LGR4: variants seen among roughly 807,000 people sequenced by gnomAD.
The protein encoded by LGR4 is leucine rich repeat containing G protein-coupled receptor 4, also known as leucine-rich repeat-containing G protein-coupled receptor 4.
In LGR4, 44 loss-of-function variants were observed where a neutral mutation model predicts 84.8. That is an observed-to-expected ratio of 0.52 (90% CI 0.41 to 0.67). LGR4 has a LOEUF of 0.67. Among genes scored for constraint, LGR4 ranks in the 30% least tolerant of loss-of-function variants. LGR4 has a pLI of 0.00. For missense variants in LGR4, 1,032 were observed against 1,131.4 expected (o/e 0.91, Z 1.26); for synonymous variants, 429 against 434.3 (o/e 0.99, Z 0.15).
intron 1 of LGR4, among the ~76,000 whole-genome samples, chr11:27,463,834 G>T (rs1030682573): frequency 3.3e-5 from 5 of 152,084 alleles, no homozygotes; most frequent in Non-Finnish European, 5.9e-5. Context: ...TATTTGAAAT[G>T]TATTAAATTC....
At chr11:27,381,906 C>T (rs1321377162) in intron 7 of LGR4, among the ~76,000 whole-genome samples, 1 of 152,186 alleles carries the variant, frequency 6.6e-6, no homozygotes, top group Non-Finnish European at 1.5e-5. Flanking sequence ...TCTGTCTTAA[C>T]ATGATCAGTT....
At chr11:27,381,105 C>T (rs1590348411) in intron 7 of LGR4, 139 bp from the exon 8 acceptor site, 2 of 548,598 alleles carry the variant, frequency 3.6e-6, no homozygotes, top group East Asian at 5.7e-5. Context: ...TAGGAAATCT[C>T]AAATTTTAAT....
intron 1 of LGR4, among the ~76,000 whole-genome samples, chr11:27,437,813 G>A (rs1455559620): frequency 6.6e-6 from 1 of 151,908 alleles, no homozygotes; most frequent in East Asian, 1.9e-4. Context: ...ATCAGCCTGG[G>A]TAACATAGTG....
At chr11:27,379,946 T>A (rs1361222632) in intron 10 of LGR4, among the ~76,000 whole-genome samples, 1 of 152,208 alleles carries the variant, frequency 6.6e-6, no homozygotes, top group Non-Finnish European at 1.5e-5. Flanking sequence ...TATTCAAACC[T>A]TCTACCTCCT....
chr11:27,472,228 C>A lies in LGR4; in HGVS notation c.75G>T (p.Ala25=), dbSNP rs1380826157. The A allele has an allele frequency of 1.5e-6, 2 of 1,344,706 alleles. No homozygotes were observed. The highest frequency in any genetic ancestry group is 3.3e-5 in the East Asian group (1 of 30,636). The allele number at this position is 1,344,706 out of a possible 1,614,324, so 83.3% of individuals were successfully genotyped here. ...TGCAGGGCGCCGCGCAGAGAGGCGG[C>A]GCCGCGCCGCTGGGCCCGGCCGAGC... ...LLGSAGPSGA[A]PPLCAAPCSC... Residue 25 remains alanine, a synonymous_variant, in exon 1 of 18, where the codon GCG becomes GCT. Transcript: ENST00000379214.
At chr11:27,409,000 A>G (rs1196594931) in intron 2 of LGR4, among the ~76,000 whole-genome samples, 1 of 152,142 alleles carries the variant, frequency 6.6e-6, no homozygotes, top group Non-Finnish European at 1.5e-5. Flanking sequence ...GGAGAGCAGG[A>G]ATCACTAGGT....
rs539525209 is a variant in LGR4 at position 27,422,349 on chromosome 11, A to T, written c.186-9489T>A. On this transcript the variant is annotated intron_variant, in intron 1 of 17. Transcript: ENST00000379214. The stretch of plus-strand genomic sequence containing the variant: ...TACTTCACCGTCCTTGCCTTCAAAC[A>T]TGCACGCCCACGAAAACTTCTGTTT... Among the ~76,000 whole-genome samples the T allele has an allele frequency of 1.2e-4, 18 of 152,346 alleles. No homozygotes were observed. In the East Asian group the frequency reaches 3.5e-3, roughly 29 times the overall value.
At chr11:27,452,623 GTTTTTTTTTT>G (rs557477166) in intron 1 of LGR4, among the ~76,000 whole-genome samples, 2 of 119,338 alleles carry the variant, frequency 1.7e-5, no homozygotes, top group Non-Finnish European at 3.4e-5. Context: ...AACTTTTTGA[GTTTTTTTTTT>G]TTTTTTTTTT....
At chr11:27,451,832 A>C (rs551727880) in intron 1 of LGR4, among the ~76,000 whole-genome samples, 1 of 152,360 alleles carries the variant, frequency 6.6e-6, no homozygotes, top group African/African-American at 2.4e-5. Flanking sequence ...AGCACTCAGT[A>C]ATAAAATACT....
At position 27,368,988 on chromosome 11, in the gene LGR4, A is replaced by G; in HGVS notation, c.1735T>C (p.Leu579=). The change falls in exon 18 of 18, where the codon TTG becomes CTG. Residue 579 remains leucine, a synonymous_variant. Transcript: ENST00000379214. ...ATGAATAAGTTAGACACAGAAATCAAGCCTATAAACAATTTGGACGAAGGC... is the reference window on the plus strand; with the variant it reads ...ATGAATAAGTTAGACACAGAAATCAGGCCTATAAACAATTTGGACGAAGGC... ...SLPSSKLFIG[L]ISVSNLFMGI... The G allele has an allele frequency of 6.2e-7, 1 of 1,614,150 alleles. No individual in the cohort carries two copies. Among genetic ancestry groups the G allele is most frequent in the Non-Finnish European group, 8.5e-7 (1 of 1,180,006 alleles).
At chr11:27,462,356 A>G (rs1864698973) in intron 1 of LGR4, among the ~76,000 whole-genome samples, 1 of 152,214 alleles carries the variant, frequency 6.6e-6, no homozygotes, top group African/African-American at 2.4e-5. Context: ...CAAAAATGTA[A>G]GATTTCCCTT....
At chr11:27,377,253 G>A in intron 11 of LGR4, 30 bp from the exon 12 acceptor site, 3 of 1,134,202 alleles carry the variant, frequency 2.6e-6, no homozygotes, top group Non-Finnish European at 4.0e-6. Flanking sequence ...ACAAATTAAT[G>A]CTATGTTATC....
At chr11:27,452,808 T>C (rs941889547) in intron 1 of LGR4, among the ~76,000 whole-genome samples, 2 of 148,372 alleles carry the variant, frequency 1.3e-5, no homozygotes, top group Non-Finnish European at 3.0e-5. Flanking sequence ...TTTTTTTTTG[T>C]ATTTTTAGTA....
At chr11:27,394,646 G>A (rs886288191) in intron 2 of LGR4, among the ~76,000 whole-genome samples, 5 of 151,982 alleles carry the variant, frequency 3.3e-5, no homozygotes, top group East Asian at 1.9e-4. Context: ...CAAATGATCC[G>A]CCTGCCTTGG....
chr11:27,370,985 A>G (rs1041444044), intron 17 of LGR4, among the ~76,000 whole-genome samples: 1 of 152,234 alleles, frequency 6.6e-6, no homozygotes, highest in Admixed American at 6.5e-5. Flanking sequence ...GAAGCTCACA[A>G]TTCAGCAGCA....
chr11:27,412,767 C>T (rs1337407205), intron 2 of LGR4, 22 bp downstream of exon 2: 1 of 1,389,860 alleles, frequency 7.2e-7, no homozygotes, highest in Non-Finnish European at 1.0e-6. Flanking sequence ...CATACACACA[C>T]ATTTCTCAAA....
chr11:27,391,277 G>C (rs1863281168), intron 3 of LGR4, 112 bp from the exon 4 acceptor site: 2 of 565,116 alleles, frequency 3.5e-6, no homozygotes, highest in Non-Finnish European at 3.1e-6. Flanking sequence ...ATGGGAAAAT[G>C]GGGGGGAGGT....
intron 17 of LGR4, among the ~76,000 whole-genome samples, chr11:27,370,471 G>A (rs952023630): frequency 6.6e-6 from 1 of 152,180 alleles, no homozygotes; most frequent in East Asian, 1.9e-4. Context: ...AGCCTCCACC[G>A]TCCCTGTCTT....
At chr11:27,461,050 G>C (rs916177875) in intron 1 of LGR4, among the ~76,000 whole-genome samples, 6 of 152,154 alleles carry the variant, frequency 3.9e-5, no homozygotes, top group African/African-American at 1.2e-4. Flanking sequence ...TCAAAACTCA[G>C]AGAAGTTTTT....
Sources: gnomAD v4.1 joint callset for allele counts (sites outside exome capture counted in the v4.1 genomes callset) on GRCh38, gnomAD v4.1.1 for gene constraint, MANE v1.5 for transcripts, NCBI Gene and HGNC (gene_info 2026-07-23, HGNC 2026-07-21) for gene names.